Variants in MMP26 observed in about 807,000 individuals in gnomAD.
MMP26 encodes the protein matrix metalloproteinase-26.
In MMP26, 33 loss-of-function variants were observed where a neutral mutation model predicts 31.0. The ratio of observed to expected loss-of-function variants is 1.06; its 90% CI spans 0.81 to 1.42. The LOEUF (loss-of-function observed/expected upper bound fraction) is 1.42, where lower values mean the gene tolerates loss of function less well. Among genes scored for constraint, MMP26 ranks in the 40% most tolerant of loss-of-function variants. The pLI is 0.00. For synonymous variants in MMP26, 122 were observed against 114.9 expected (o/e 1.06, Z -0.40); for missense variants, 347 against 316.1 (o/e 1.10, Z -0.74).
Position 4,731,480 on chromosome 11 carries a change from G to A in MMP26, c.-217+26435G>A, listed in dbSNP as rs569217683. On this transcript the variant is annotated intron_variant, in intron 1 of 7. Coordinates refer to ENST00000380390, the MANE Select transcript of MMP26 (RefSeq NM_021801.5). ...AGTATCCACTGGCATAAGGACTACG[G>A]CTAGCTAGGACATCTGGCACTGATC... Among the ~76,000 whole-genome samples the A allele has an allele frequency of 6.6e-5, 10 of 152,234 alleles. No homozygotes were observed. The East Asian group carries it at 1.7e-3, about 26-fold the overall frequency.
intron 2 of MMP26, among the ~76,000 whole-genome samples, chr11:4,793,152 CATTTA>C (rs1487473542): frequency 4.6e-5 from 7 of 152,256 alleles, no homozygotes; most frequent in African/African-American, 1.7e-4. Flanking sequence ...TAAATAATCT[CATTTA>C]ATTTTATAAT....
intron 2 of MMP26, among the ~76,000 whole-genome samples, chr11:4,986,924 T>TCTCTCC (rs1846901278): frequency 9.3e-6 from 1 of 108,108 alleles, no homozygotes; most frequent in African/African-American, 3.6e-5. Flanking sequence ...TCTCTCTCTC[T>TCTCTCC]CTCTCTCCCT....
At chr11:4,915,724 G>T in intron 2 of MMP26, 1 of 1,156,182 alleles carries the variant, frequency 8.6e-7, no homozygotes, top group Non-Finnish European at 1.2e-6. Context: ...AATTGAGGCA[G>T]TACTGGTGAT....
intron 2 of MMP26, among the ~76,000 whole-genome samples, chr11:4,857,330 A>C (rs1265766328): frequency 6.6e-6 from 1 of 152,144 alleles, no homozygotes. Flanking sequence ...GACTGCTAGC[A>C]AGACTAATAA....
At chr11:4,776,312 G>A (rs1189647253) in intron 2 of MMP26, among the ~76,000 whole-genome samples, 4 of 152,018 alleles carry the variant, frequency 2.6e-5, no homozygotes, top group Non-Finnish European at 5.9e-5. Context: ...TAGATGCCCA[G>A]TAGTGAGATT....
intron 2 of MMP26, among the ~76,000 whole-genome samples, chr11:4,897,490 T>G (rs565659481): frequency 1.3e-5 from 2 of 152,330 alleles, no homozygotes; most frequent in South Asian, 4.1e-4. Context: ...GGTCATACTA[T>G]TATATCAAAA....
chr11:4,983,116 A>G (rs1589824093), intron 2 of MMP26, among the ~76,000 whole-genome samples: 1 of 152,326 alleles, frequency 6.6e-6, no homozygotes, highest in South Asian at 2.1e-4. Context: ...CCATTCTCTC[A>G]GTTGAATAAA....
chr11:4,905,448 A>C (rs1371390393), intron 2 of MMP26, among the ~76,000 whole-genome samples: 2 of 152,168 alleles, frequency 1.3e-5, no homozygotes, highest in Non-Finnish European at 2.9e-5. Context: ...AAAAATCACA[A>C]AATACAGTAT....
intron 2 of MMP26, among the ~76,000 whole-genome samples, chr11:4,932,456 T>G (rs1356242752): frequency 6.6e-6 from 1 of 152,120 alleles, no homozygotes; most frequent in Non-Finnish European, 1.5e-5. Context: ...CAGTTTTTCT[T>G]GGAAACCAGC....
intron 2 of MMP26, among the ~76,000 whole-genome samples, chr11:4,836,778 GC>G (rs1219254526): frequency 6.8e-6 from 1 of 146,282 alleles, no homozygotes; most frequent in African/African-American, 2.5e-5. Context: ...TCCTGCCTCA[GC>G]CTCCCGAGTA....
chr11:4,867,323 A>G (rs1437344530), intron 2 of MMP26, among the ~76,000 whole-genome samples: 2 of 151,988 alleles, frequency 1.3e-5, no homozygotes. Context: ...ACCAACAAAC[A>G]TATGACAAAA....
chr11:4,705,387 T>A (rs1847762119), intron 1 of MMP26, among the ~76,000 whole-genome samples: 1 of 152,210 alleles, frequency 6.6e-6, no homozygotes, highest in East Asian at 1.9e-4. Flanking sequence ...GAACGTCGTA[T>A]GTTTCCTCTG....
intron 1 of MMP26, among the ~76,000 whole-genome samples, chr11:4,720,246 T>A (rs1010014193): frequency 3.3e-5 from 5 of 152,228 alleles, no homozygotes; most frequent in South Asian, 2.1e-4. Flanking sequence ...AACTCCAATC[T>A]GTATAGTTTC....
At chr11:4,874,383 T>C (rs1850351760) in intron 2 of MMP26, among the ~76,000 whole-genome samples, 1 of 152,136 alleles carries the variant, frequency 6.6e-6, no homozygotes, top group South Asian at 2.1e-4. Flanking sequence ...CTTTTGTGTG[T>C]AGCTCTGGAT....
chr11:4,976,088 T>A (rs542803486), intron 2 of MMP26, among the ~76,000 whole-genome samples: 1 of 152,172 alleles, frequency 6.6e-6, no homozygotes, highest in South Asian at 2.1e-4. Flanking sequence ...GATGTTACTT[T>A]TAGAGACTCT....
chr11:4,745,364 T>C (rs1337525766), intron 1 of MMP26, among the ~76,000 whole-genome samples: 1 of 152,214 alleles, frequency 6.6e-6, no homozygotes, highest in Non-Finnish European at 1.5e-5. Flanking sequence ...TTACTATAAA[T>C]ACAAATTCTC....
At chr11:4,789,530 CTTTTTTTTTTTTTT>C (rs71050429) in intron 2 of MMP26, among the ~76,000 whole-genome samples, 6 of 65,942 alleles carry the variant, frequency 9.1e-5, no homozygotes, top group Admixed American at 2.8e-4. Flanking sequence ...TATCCCCCCA[CTTTTTTTTTTTTTT>C]TTTTTTTTTT....
chr11:4,809,563 A>G (rs1027646848), intron 2 of MMP26, among the ~76,000 whole-genome samples: 1 of 152,216 alleles, frequency 6.6e-6, no homozygotes, highest in Non-Finnish European at 1.5e-5. Context: ...AGATTTTGCT[A>G]AGGAATAGCT....
At chr11:4,859,669 G>T in intron 2 of MMP26, 1 of 469,358 alleles carries the variant, frequency 2.1e-6, no homozygotes, top group Non-Finnish European at 4.4e-6. Flanking sequence ...AATTTGCTTG[G>T]TCTTCACACT....
Sources: gnomAD v4.1 joint callset for allele counts (sites outside exome capture counted in the v4.1 genomes callset) on GRCh38, gnomAD v4.1.1 for gene constraint, MANE v1.5 for transcripts, NCBI Gene and HGNC (gene_info 2026-07-23, HGNC 2026-07-21) for gene names.